Variants in COL12A1 observed in about 807,000 individuals in gnomAD.
COL12A1 encodes collagen type XII alpha 1 chain.
Under a neutral mutation model 349.7 loss-of-function variants are expected in COL12A1, and 114 were observed. The observed-to-expected ratio is 0.33, with a 90% CI of 0.28 to 0.38. The LOEUF (loss-of-function observed/expected upper bound fraction) is 0.38, where lower values mean the gene tolerates loss of function less well. Ranked by LOEUF, COL12A1 falls within the 10% of genes least tolerant of loss-of-function variation. The pLI, the probability that COL12A1 is intolerant of heterozygous loss-of-function variation, is 1.00. For synonymous variants in COL12A1, 1,369 were observed against 1,329.0 expected, an observed-to-expected ratio of 1.03 and a Z score of -0.66; for missense variants, 3,284 against 3,756.9, an observed-to-expected ratio of 0.87 and a Z score of 3.29.
chr6:75,102,984 T>TTA (rs1161820180), intron 55 of COL12A1, among the ~76,000 whole-genome samples: 1 of 152,196 alleles, frequency 6.6e-6, no homozygotes, highest in African/African-American at 2.4e-5. Flanking sequence ...TTTCATAGAT[T>TTA]TATATGAGAT....
At chr6:75,103,921 G>T in intron 54 of COL12A1, 111 bp from the exon 55 acceptor site, 1 of 682,564 alleles carries the variant, frequency 1.5e-6, no homozygotes, top group East Asian at 3.0e-5. Flanking sequence ...TTATTCTACA[G>T]CTGCTTGCAA....
intron 61 of COL12A1, 47 bp from the exon 62 acceptor site, chr6:75,091,436 A>G: frequency 1.2e-6 from 2 of 1,611,980 alleles, no homozygotes; most frequent in Non-Finnish European, 1.7e-6. Context: ...CTATAGTTTT[A>G]GGCTTCAATG....
At chr6:75,154,314 A>G in intron 17 of COL12A1, 102 bp downstream of exon 17, 1 of 1,306,054 alleles carries the variant, frequency 7.7e-7, no homozygotes, top group South Asian at 2.0e-5. Flanking sequence ...ATTTTAGTGT[A>G]AAATTTGTAT....
chr6:75,125,102 A>C, intron 40 of COL12A1, 25 bp downstream of exon 40: 1 of 1,555,926 alleles, frequency 6.4e-7, no homozygotes, highest in Non-Finnish European at 8.7e-7. Flanking sequence ...TTTTTCTCAC[A>C]ACCATGAAAA....
chr6:75,108,279 G>A (rs1490962452), intron 52 of COL12A1, among the ~76,000 whole-genome samples: 1 of 151,772 alleles, frequency 6.6e-6, no homozygotes, highest in East Asian at 1.9e-4. Flanking sequence ...ATAGAGACAG[G>A]GTCTCACTAT....
At chr6:75,132,177 T>A (rs1420786194) in intron 34 of COL12A1, 95 bp from the exon 35 acceptor site, 19 of 1,430,088 alleles carry the variant, frequency 1.3e-5, no homozygotes, top group Non-Finnish European at 1.7e-5. Flanking sequence ...TGTAACAGGA[T>A]AAAATGCTAT....
chr6:75,113,892 A>G (rs1768958063), intron 49 of COL12A1, 148 bp from the exon 50 acceptor site: 8 of 562,604 alleles, frequency 1.4e-5, no homozygotes, highest in Non-Finnish European at 1.9e-5. Flanking sequence ...GGCTATTTAT[A>G]CTAATCTGGC....
At chr6:75,154,576 T>C (rs1767659944) in intron 16 of COL12A1, 39 bp from the exon 17 acceptor site, 6 of 1,552,432 alleles carry the variant, frequency 3.9e-6, no homozygotes, top group Non-Finnish European at 5.2e-6. Flanking sequence ...GTGAGAACCA[T>C]AGGCTCAAGT....
chr6:75,104,632 C>T (rs1374460620), intron 54 of COL12A1, among the ~76,000 whole-genome samples: 1 of 152,192 alleles, frequency 6.6e-6, no homozygotes, highest in Non-Finnish European at 1.5e-5. Context: ...TCTATCACTG[C>T]AATCTTCAAT....
At position 75,196,494 on chromosome 6, in the gene COL12A1, G is replaced by C. The variant is rs142351917; in HGVS notation, c.74-1547C>G. Among the ~76,000 whole-genome samples, 950 of 152,192 alleles carry C rather than the reference G, an allele frequency of 6.2e-3. 7 individuals are homozygous for C. Among genetic ancestry groups the C allele is most frequent in the African/African-American group, 0.022 (910 of 41,514 alleles). Reference sequence around the variant, plus strand: ...AGGAGATGGCTTTTTATTTTTATTGGATACACTAGTATTGGAATGAATGTT... The same window carrying C: ...AGGAGATGGCTTTTTATTTTTATTGCATACACTAGTATTGGAATGAATGTT... On this transcript the variant is annotated intron_variant, in intron 2 of 65. Transcript: ENST00000322507.
At chr6:75,151,075 A>G in intron 21 of COL12A1, 66 bp downstream of exon 21, 1 of 284,116 alleles carries the variant, frequency 3.5e-6, no homozygotes, top group Non-Finnish European at 6.9e-6. Context: ...CCCCCACCCA[A>G]AAGAATAATT....
chr6:75,088,486 A>AGGAAGGAAGGAAGGAAAAG (rs1767608459), intron 64 of COL12A1, among the ~76,000 whole-genome samples: 1 of 151,332 alleles, frequency 6.6e-6, no homozygotes, highest in African/African-American at 2.4e-5. Context: ...GAAGGGAGGA[A>AGGAAGGAAGGAAGGAAAAG]GGAAGGAAGG....
At chr6:75,138,738 A>G (rs1766749868) in intron 28 of COL12A1, 84 bp downstream of exon 28, 3 of 1,580,194 alleles carry the variant, frequency 1.9e-6, no homozygotes, top group Non-Finnish European at 2.6e-6. Flanking sequence ...ATTGACAACA[A>G]GAGTAATACT....
At chr6:75,118,026 C>G (rs184435912) in intron 46 of COL12A1, among the ~76,000 whole-genome samples, 1 of 152,030 alleles carries the variant, frequency 6.6e-6, no homozygotes, top group African/African-American at 2.4e-5. Context: ...TGGCAACAGA[C>G]GGGCTATGAC....
In COL12A1 at chr6:75,147,736, G is replaced by A. The variant is rs765983584; in HGVS notation, c.4356C>T (p.Val1452=). The A allele has an allele frequency of 5.6e-6, 9 of 1,613,380 alleles. No homozygotes were observed. Among genetic ancestry groups the A allele is most frequent in the African/African-American group, 1.3e-5 (1 of 74,958 alleles). The change falls in exon 23 of 66, where the codon GTC becomes GTT. Residue 1452 remains valine (V), a synonymous_variant. Transcript: ENST00000322507. ...CATCTTCTACCACAGAATACACATT[G>A]ACAACATATTCAGTTTCAGGTTTCA... ...KDLKPETEYV[V]NVYSVVEDEY...
intron 5 of COL12A1, among the ~76,000 whole-genome samples, chr6:75,191,087 G>A (rs894091040): frequency 6.6e-6 from 1 of 151,782 alleles, no homozygotes; most frequent in Non-Finnish European, 1.5e-5. Context: ...TAAGACAAAA[G>A]GAGGCTAATA....
In COL12A1 at chr6:75,180,956, T is replaced by G. The variant is rs760275038; in HGVS notation, c.2147A>C (p.Glu716Ala). The change falls in exon 11 of 66, where the codon GAG (glutamate) becomes GCG (alanine). Residue 716 changes from glutamate (E) to alanine (A), a missense_variant. By Grantham distance (107) the Glu-to-Ala change is moderately radical (BLOSUM62 -1). Around this residue, in one of 2 missense-constraint regions of COL12A1, gnomAD observed 2,601 missense variants for 2,824.8 expected, o/e 0.92. Coordinates refer to ENST00000322507, the MANE Select transcript of COL12A1 (RefSeq NM_004370.6). ...EDGFSIPLAG[E>A]ETTEEVKGAP... ...CATCACACCTTCTTCGGTGGTCTCC[T>G]CTCCAGCTAAGGGAATGCTGAAGCC... 11 of 1,612,938 alleles carry G rather than the reference T, an allele frequency of 6.8e-6. No homozygotes were observed. The highest frequency in any genetic ancestry group is 9.3e-6 in the Non-Finnish European group (11 of 1,179,202).
In COL12A1 at chr6:75,095,122, C is replaced by G; in HGVS notation, c.8635G>C (p.Asp2879His). 6.2e-7 allele frequency: 1 copy of G among 1,614,142 alleles called. No homozygotes were observed. The highest frequency in any genetic ancestry group is 2.2e-5 in the East Asian group (1 of 44,882). The change falls in exon 60 of 66, where the codon GAT becomes CAT. Residue 2879 changes from aspartate (D) to histidine (H), a missense_variant. Coordinates refer to ENST00000322507, the MANE Select transcript of COL12A1 (RefSeq NM_004370.6). The part of the protein sequence containing the change: ...GPSGKPGKPG[D>H]HGRPGPSGLK... ...TGTCCGCTTACTGGTCTGCCATGAT[C>G]TCCAGGTTTTCCTGGCTTCCCACTT...
intron 54 of COL12A1, 27 bp downstream of exon 54, chr6:75,105,179 C>A (rs1474693405): frequency 1.3e-5 from 20 of 1,582,038 alleles, no homozygotes; most frequent in Non-Finnish European, 1.6e-5. Context: ...AAAGGAAAAA[C>A]CAGAGGATCT....
Sources: allele counts gnomAD v4.1 joint callset (sites outside exome capture counted in the v4.1 genomes callset), GRCh38; gene constraint gnomAD v4.1.1; regional missense constraint gnomAD v4.1.1; transcripts MANE v1.5; gene names NCBI Gene and HGNC (gene_info 2026-07-23, HGNC 2026-07-21).